IMMP2L: variants seen among roughly 807,000 people sequenced by gnomAD.
The protein encoded by IMMP2L is mitochondrial inner membrane protease subunit 2.
In IMMP2L, 18 loss-of-function variants were observed where a neutral mutation model predicts 19.3. That is an observed-to-expected ratio of 0.93 (90% CI 0.64 to 1.38). The LOEUF is 1.38. Ranked by LOEUF, IMMP2L falls within the 40% of genes most tolerant of loss-of-function variation. The pLI is 0.00. For missense variants in IMMP2L, 233 were observed against 218.2 expected, an observed-to-expected ratio of 1.07 and a Z score of -0.43; for synonymous variants, 76 against 73.0, an observed-to-expected ratio of 1.04 and a Z score of -0.21.
At chr7:111,262,879 G>A (rs1050628123) in intron 3 of IMMP2L, among the ~76,000 whole-genome samples, 1 of 152,082 alleles carries the variant, frequency 6.6e-6, no homozygotes, top group African/African-American at 2.4e-5. Flanking sequence ...CTGTTAGAAT[G>A]CCTGTATCTT....
At chr7:111,097,593 C>CA (rs1244728822) in intron 3 of IMMP2L, among the ~76,000 whole-genome samples, 1 of 151,200 alleles carries the variant, frequency 6.6e-6, no homozygotes, top group African/African-American at 2.4e-5. Flanking sequence ...GGAAAAAAAA[C>CA]AAAAAAATGT....
chr7:111,489,251 G>A (rs1170842176), intron 2 of IMMP2L, among the ~76,000 whole-genome samples: 1 of 151,862 alleles, frequency 6.6e-6, no homozygotes, highest in African/African-American at 2.4e-5. Flanking sequence ...CACCATGTTA[G>A]CCAGGATGGT....
At chr7:111,241,662 T>C (rs37719) in intron 3 of IMMP2L, among the ~76,000 whole-genome samples, 59,205 of 151,222 alleles carry the variant, frequency 0.39, 13,528 homozygotes, top group Non-Finnish European at 0.52. Context: ...TAGCCAAATG[T>C]ATATTGTGCT....
intron 5 of IMMP2L, among the ~76,000 whole-genome samples, chr7:110,868,574 C>A (rs1808232682): frequency 6.6e-6 from 1 of 151,984 alleles, no homozygotes. Flanking sequence ...GTGTCAGGCC[C>A]TGGGCTAGGC....
At chr7:110,742,950 A>T (rs1264513682) in intron 5 of IMMP2L, among the ~76,000 whole-genome samples, 1 of 152,090 alleles carries the variant, frequency 6.6e-6, no homozygotes, top group African/African-American at 2.4e-5. Flanking sequence ...AAATTCCTAA[A>T]AGGAAAAACC....
intron 2 of IMMP2L, among the ~76,000 whole-genome samples, chr7:111,512,805 A>G (rs543530081): frequency 2.0e-5 from 3 of 152,310 alleles, no homozygotes; most frequent in South Asian, 4.1e-4. Flanking sequence ...GTACACATTT[A>G]TGAAAAATCA....
intron 3 of IMMP2L, among the ~76,000 whole-genome samples, chr7:111,374,945 A>T (rs1672790475): frequency 6.6e-6 from 1 of 152,114 alleles, no homozygotes; most frequent in South Asian, 2.1e-4. Flanking sequence ...TTAAGCATCA[A>T]ATATGATATC....
At chr7:110,866,562 C>T (rs1380160672) in intron 5 of IMMP2L, among the ~76,000 whole-genome samples, 1 of 152,012 alleles carries the variant, frequency 6.6e-6, no homozygotes, top group Non-Finnish European at 1.5e-5. Context: ...GTGAAACCTC[C>T]CTAGTTTAAT....
At chr7:110,687,110 C>T (rs1793170521) in intron 5 of IMMP2L, among the ~76,000 whole-genome samples, 1 of 152,038 alleles carries the variant, frequency 6.6e-6, no homozygotes, top group Non-Finnish European at 1.5e-5. Flanking sequence ...AAAATACAAA[C>T]AAACTGAAAT....
chr7:111,086,142 C>G (rs929944046), intron 3 of IMMP2L, among the ~76,000 whole-genome samples: 2 of 151,366 alleles, frequency 1.3e-5, no homozygotes, highest in Non-Finnish European at 2.9e-5. Context: ...AAAAAAAAGA[C>G]GTGGACTGGT....
At chr7:111,122,885 G>C in intron 3 of IMMP2L, 1 of 1,614,024 alleles carries the variant, frequency 6.2e-7, no homozygotes, top group Admixed American at 1.7e-5. Context: ...TGTGAAATCA[G>C]GCCTTGGTTT....
At chr7:110,752,912 C>G (rs1340174042) in intron 5 of IMMP2L, among the ~76,000 whole-genome samples, 5 of 151,944 alleles carry the variant, frequency 3.3e-5, no homozygotes, top group Non-Finnish European at 4.4e-5. Context: ...TTTCATTTTA[C>G]CAATGAAGAA....
chr7:111,215,812 T>C (rs1811865768), intron 3 of IMMP2L, among the ~76,000 whole-genome samples: 1 of 152,154 alleles, frequency 6.6e-6, no homozygotes, highest in African/African-American at 2.4e-5. Context: ...GTTGAAGTCA[T>C]TCTTTTGTTC....
intron 3 of IMMP2L, among the ~76,000 whole-genome samples, chr7:111,331,730 T>C (rs1466442441): frequency 1.3e-5 from 2 of 151,808 alleles, no homozygotes; most frequent in African/African-American, 4.8e-5. Flanking sequence ...CAAAGCAAGA[T>C]ACCAATGGGG....
intron 3 of IMMP2L, among the ~76,000 whole-genome samples, chr7:111,453,836 T>C (rs1395548325): frequency 5.3e-5 from 8 of 152,182 alleles, no homozygotes; most frequent in Admixed American, 5.2e-4. Context: ...ATAAAATGAT[T>C]GCCTTATAAT....
chr7:111,048,055 C>T (rs958038088), intron 3 of IMMP2L, among the ~76,000 whole-genome samples: 6 of 151,540 alleles, frequency 4.0e-5, no homozygotes, highest in South Asian at 2.1e-4. Flanking sequence ...CTGGCTAACA[C>T]GGTGAAACCC....
chr7:111,077,916 C>G (rs1257242012), intron 3 of IMMP2L, among the ~76,000 whole-genome samples: 3 of 152,148 alleles, frequency 2.0e-5, no homozygotes, highest in Admixed American at 2.0e-4. Flanking sequence ...TTATACTTTG[C>G]CTTTGTTTCT....
At chr7:111,121,870 A>C (rs1171498851) in intron 3 of IMMP2L, among the ~76,000 whole-genome samples, 8 of 152,226 alleles carry the variant, frequency 5.3e-5, no homozygotes, top group African/African-American at 1.9e-4. Flanking sequence ...AAATGTGGCA[A>C]ATATACACCA....
intron 3 of IMMP2L, among the ~76,000 whole-genome samples, chr7:111,229,600 G>GAA (rs1429336801): frequency 6.6e-6 from 1 of 152,016 alleles, no homozygotes; most frequent in Non-Finnish European, 1.5e-5. Flanking sequence ...TTAAGTGATT[G>GAA]TGTGGTTTAA....
Sources: allele counts gnomAD v4.1 joint callset (sites outside exome capture counted in the v4.1 genomes callset), GRCh38; gene constraint gnomAD v4.1.1; transcripts MANE v1.5; gene names NCBI Gene and HGNC (gene_info 2026-07-23, HGNC 2026-07-21).